The following CDK14 variants were observed in gnomAD, a reference collection of about 807,000 sequenced individuals.
The protein encoded by CDK14 is cyclin dependent kinase 14.
In CDK14, 34 loss-of-function variants were observed where a neutral mutation model predicts 60.7. That is an observed-to-expected ratio of 0.56 (90% CI 0.43 to 0.75). The LOEUF (loss-of-function observed/expected upper bound fraction) is 0.75, where lower values mean the gene tolerates loss of function less well. CDK14 is among the 30% of genes least tolerant of loss of function. The pLI is 0.00. For synonymous variants in CDK14, 197 were observed against 203.7 expected (o/e 0.97, Z 0.28); for missense variants, 482 against 564.1 (o/e 0.85, Z 1.47).
intron 4 of CDK14, among the ~76,000 whole-genome samples, chr7:90,760,478 T>C (rs13231756): frequency 6.6e-6 from 1 of 152,122 alleles, no homozygotes; most frequent in Admixed American, 6.5e-5. Context: ...TCCTGAGAGG[T>C]TACCTGCCCA....
chr7:90,836,244 C>A (rs1790093593), intron 5 of CDK14, among the ~76,000 whole-genome samples: 1 of 151,952 alleles, frequency 6.6e-6, no homozygotes, highest in East Asian at 1.9e-4. Context: ...CACTTTTAGA[C>A]TCTTTTATAA....
chr7:91,187,730 AT>A (rs1381129702), intron 14 of CDK14, among the ~76,000 whole-genome samples: 2 of 152,152 alleles, frequency 1.3e-5, no homozygotes, highest in Non-Finnish European at 2.9e-5. Context: ...ACTACACCAT[AT>A]TTTATAGGCA....
At chr7:90,603,085 A>G (rs1250089956) in intron 1 of CDK14, among the ~76,000 whole-genome samples, 2 of 152,098 alleles carry the variant, frequency 1.3e-5, no homozygotes, top group East Asian at 1.9e-4. Context: ...AAGTGCTTCT[A>G]TCCAGACTAA....
intron 3 of CDK14, among the ~76,000 whole-genome samples, chr7:90,738,180 C>T (rs1079528): frequency 0.91 from 139,197 of 152,274 alleles, 63,742 homozygotes; most frequent in East Asian, 1. Flanking sequence ...ATAATCTTGG[C>T]TTGAATTCTA....
In CDK14 at chr7:91,123,617, C is replaced by T. The variant is rs148563447; in HGVS notation, c.*28+5409C>T. On this transcript the variant is annotated intron_variant, in intron 14 of 14. Transcript: ENST00000380050. ...CCCACCTCACCTCACCCCACCTCCA[C>T]CCCACCTTACCTTAGCTTCCTGTCT... Among the ~76,000 whole-genome samples the T allele has an allele frequency of 2.5e-3, 375 of 152,238 alleles. 2 individuals carry two copies. The highest frequency in any genetic ancestry group is 8.7e-3 in the African/African-American group (363 of 41,546).
At chr7:91,053,549 T>G (rs1459739231) in intron 11 of CDK14, among the ~76,000 whole-genome samples, 3 of 152,198 alleles carry the variant, frequency 2.0e-5, no homozygotes, top group Non-Finnish European at 4.4e-5. Context: ...GGGCATATTC[T>G]TCCGCCCTTT....
intron 14 of CDK14, among the ~76,000 whole-genome samples, chr7:91,167,552 C>T (rs911745807): frequency 1.3e-5 from 2 of 152,196 alleles, no homozygotes; most frequent in Non-Finnish European, 2.9e-5. Context: ...ATGGCTCCAA[C>T]GTGAGCCAGT....
chr7:90,806,433 AT>A (rs542128626), intron 5 of CDK14, among the ~76,000 whole-genome samples: 3 of 152,190 alleles, frequency 2.0e-5, no homozygotes, highest in Non-Finnish European at 4.4e-5. Context: ...GACCCCCACA[AT>A]TTTTTTAAAT....
chr7:90,620,661 C>G (rs981665496), intron 2 of CDK14, among the ~76,000 whole-genome samples: 1 of 152,142 alleles, frequency 6.6e-6, no homozygotes, highest in Non-Finnish European at 1.5e-5. Flanking sequence ...GGAGCAGGCA[C>G]CACCGTTTCA....
At chr7:90,842,471 A>G (rs1371309962) in intron 5 of CDK14, among the ~76,000 whole-genome samples, 1 of 152,182 alleles carries the variant, frequency 6.6e-6, no homozygotes, top group Non-Finnish European at 1.5e-5. Context: ...AAAGGCAGAA[A>G]GGAAGGGTGT....
At chr7:90,698,952 G>T (rs1455865832) in intron 2 of CDK14, among the ~76,000 whole-genome samples, 1 of 152,212 alleles carries the variant, frequency 6.6e-6, no homozygotes. Context: ...TCCACAGAGA[G>T]AGAAGAGACT....
chr7:90,952,873 T>G (rs990833288), intron 8 of CDK14, among the ~76,000 whole-genome samples: 11 of 152,196 alleles, frequency 7.2e-5, no homozygotes, highest in Non-Finnish European at 1.6e-4. Flanking sequence ...TTAATAAATT[T>G]TGCATGAGTA....
chr7:91,063,936 A>C (rs541153688), intron 11 of CDK14, among the ~76,000 whole-genome samples: 1 of 152,162 alleles, frequency 6.6e-6, no homozygotes, highest in African/African-American at 2.4e-5. Flanking sequence ...TCAGCTCTTG[A>C]GATGCATTTT....
At chr7:91,116,756 C>T (rs1799622284) in intron 13 of CDK14, among the ~76,000 whole-genome samples, 1 of 152,078 alleles carries the variant, frequency 6.6e-6, no homozygotes, top group Non-Finnish European at 1.5e-5. Flanking sequence ...AATTGACAAC[C>T]ATCTCCTCCT....
intron 2 of CDK14, among the ~76,000 whole-genome samples, chr7:90,706,298 A>C (rs935165511): frequency 6.6e-6 from 1 of 152,066 alleles, no homozygotes; most frequent in African/African-American, 2.4e-5. Flanking sequence ...TTATAGTCAG[A>C]CTTGGTGTCT....
At chr7:90,968,741 C>A (rs1206766465) in intron 9 of CDK14, among the ~76,000 whole-genome samples, 1 of 151,370 alleles carries the variant, frequency 6.6e-6, no homozygotes, top group East Asian at 2.0e-4. Flanking sequence ...TATTTGTGAC[C>A]ATTTTATAAC....
At chr7:90,746,706 A>G (rs988509579) in intron 3 of CDK14, among the ~76,000 whole-genome samples, 3 of 152,268 alleles carry the variant, frequency 2.0e-5, no homozygotes, top group South Asian at 2.1e-4. Context: ...TTCTTGTTCC[A>G]TAGTTAAAGT....
intron 14 of CDK14, among the ~76,000 whole-genome samples, chr7:91,150,014 G>A (rs1004561524): frequency 6.6e-6 from 1 of 152,162 alleles, no homozygotes; most frequent in Non-Finnish European, 1.5e-5. Context: ...CAGCTGCCAC[G>A]GTTACAGAGC....
At chr7:90,866,740 A>G (rs1397800940) in intron 6 of CDK14, among the ~76,000 whole-genome samples, 1 of 152,186 alleles carries the variant, frequency 6.6e-6, no homozygotes, top group Non-Finnish European at 1.5e-5. Flanking sequence ...TTTAGGTTTT[A>G]TAAAAGCCTT....
Sources: allele counts gnomAD v4.1 joint callset (sites outside exome capture counted in the v4.1 genomes callset), GRCh38; gene constraint gnomAD v4.1.1; transcripts MANE v1.5; gene names NCBI Gene and HGNC (gene_info 2026-07-23, HGNC 2026-07-21).